The following SF3B2 variants were observed in gnomAD, a reference collection of about 807,000 sequenced individuals.
SF3B2 encodes the protein splicing factor 3b subunit 2, also known as SAP 145.
SF3B2 carries 22 observed loss-of-function variants against 116.3 expected under a neutral mutation model. That is an observed-to-expected ratio of 0.19 (90% CI 0.14 to 0.27). The LOEUF is 0.27. SF3B2 is among the 10% of genes least tolerant of loss of function. The probability of loss-of-function intolerance (pLI) is 1.00; values close to 1 mark genes in which losing one functional copy is unlikely to be tolerated. For synonymous variants in SF3B2, 406 were observed against 421.6 expected (o/e 0.96, Z 0.45); for missense variants, 767 against 1,151.4 (o/e 0.67, Z 4.83).
intron 7 of SF3B2, 55 bp downstream of exon 7, chr11:66,057,430 T>C: frequency 1.1e-6 from 1 of 879,658 alleles, no homozygotes; most frequent in Non-Finnish European, 1.9e-6. Flanking sequence ...AGGATGGGAC[T>C]ATTTTTGGAT....
Position 66,057,290 on chromosome 11 carries a change from G to A in SF3B2, c.692G>A (p.Gly231Asp). 1 of 1,609,334 alleles carries A rather than the reference G, an allele frequency of 6.2e-7. No individual in the cohort carries two copies. The highest frequency in any genetic ancestry group is 1.1e-5 in the South Asian group (1 of 91,018). ...GTAGCTGCTCCAGTGGGCCCAGTGG[G>A]CCCCACTCCTACAGTTTTGCCCATG... The part of the protein sequence containing the change: ...PRVAAPVGPV[G>D]PTPTVLPMGA... Residue 231 changes from glycine (G) to aspartate (D), a missense_variant, in exon 7 of 22, where the codon GGC becomes GAC. Transcript: ENST00000322535.
chr11:66,056,757 C>A, intron 5 of SF3B2, 81 bp from the exon 6 acceptor site: 1 of 1,052,062 alleles, frequency 9.5e-7, no homozygotes, highest in Non-Finnish European at 1.5e-6. Context: ...GGCCCATTAC[C>A]CGGCTGAAAG....
intron 3 of SF3B2, 77 bp downstream of exon 3, chr11:66,053,181 C>G: frequency 7.4e-7 from 1 of 1,353,368 alleles, no homozygotes; most frequent in Non-Finnish European, 1.1e-6. Flanking sequence ...ATTGGGTGTT[C>G]ACGTGCATGT....
At chr11:66,065,256 G>A (rs1857162013) in intron 19 of SF3B2, 1 of 152,228 alleles carries the variant, frequency 6.6e-6, no homozygotes, top group Non-Finnish European at 1.5e-5. Flanking sequence ...ACATGTGTGA[G>A]TGACCGCATC....
rs753395463 is a variant in SF3B2, at chr11:66,055,285, G to A, written c.468G>A (p.Leu156=). Residue 156 remains leucine, a synonymous_variant, in exon 4 of 22, where the codon TTG becomes TTA. Transcript: ENST00000322535. ...RLKLAQQQAA[L]LMQQEERAKQ... is the part of the protein sequence containing the mutation. ...AGTTGGCTCAGCAGCAGGCGGCATTGCTGATGCAGCAGGAGGAGCGTGCCA... is the reference window on the plus strand; with the variant it reads ...AGTTGGCTCAGCAGCAGGCGGCATTACTGATGCAGCAGGAGGAGCGTGCCA... 1 of 1,613,482 alleles carries A rather than the reference G, an allele frequency of 6.2e-7. No homozygotes were observed. The highest frequency in any genetic ancestry group is 8.5e-7 in the Non-Finnish European group (1 of 1,179,874).
At chr11:66,068,545 C>A in intron 21 of SF3B2, 129 bp from the exon 22 acceptor site, 1 of 891,694 alleles carries the variant, frequency 1.1e-6, no homozygotes, top group Non-Finnish European at 1.7e-6. Flanking sequence ...TGAGAGGGAG[C>A]TCGAAGAGAA....
In SF3B2 at chr11:66,061,977, G is replaced by A. The variant is rs1363355546; in HGVS notation, c.1956G>A (p.Gly652=). The A allele has an allele frequency of 3.1e-6, 5 of 1,613,094 alleles. No homozygotes were observed. Among genetic ancestry groups the A allele is most frequent in the Non-Finnish European group, 4.2e-6 (5 of 1,179,642 alleles). Residue 652 remains glycine (G), a synonymous_variant, in exon 16 of 22, where the codon GGG becomes GGA. Coordinates refer to ENST00000322535, the MANE Select transcript of SF3B2 (RefSeq NM_006842.3). ...PPSYPNLKIP[G]LNSPIPESCS... is the part of the protein sequence containing the mutation. The stretch of plus-strand genomic sequence containing the variant: ...CGTATCCCAACCTGAAAATCCCTGG[G>A]CTGAACTCGCCCATCCCTGAGGTGA...
intron 13 of SF3B2, among the ~76,000 whole-genome samples, chr11:66,060,373 T>C (rs991975355): frequency 6.6e-6 from 1 of 152,238 alleles, no homozygotes; most frequent in African/African-American, 2.4e-5. Context: ...AACTAGTTAT[T>C]GATATACACG....
At chr11:66,057,439 A>T in intron 7 of SF3B2, 64 bp downstream of exon 7, 1 of 817,120 alleles carries the variant, frequency 1.2e-6, no homozygotes, top group Non-Finnish European at 2.1e-6. Context: ...CTATTTTTGG[A>T]TTTTTAGAGA....
Position 66,059,916 on chromosome 11 carries a change from G to A in SF3B2, c.1536G>A (p.Gln512=). The change falls in exon 13 of 22, where the codon CAG becomes CAA. Residue 512 remains glutamine (Q), a synonymous_variant. Transcript: ENST00000322535. This position sits in a 1 kb window ranked among gnomAD's most constrained non-coding sequence, Gnocchi z 5.0. ...GGTGTTTTAAGCGCAAATACCTGCA[G>A]GGCAAACGGGGCATTGAGAAGCCCC... is the stretch of plus-strand genomic sequence containing the variant. The part of the protein sequence containing the change: ...RHWCFKRKYL[Q]GKRGIEKPPF... 6.2e-7 allele frequency: 1 copy of A among 1,614,190 alleles called. No individual in the cohort carries two copies.
At chr11:66,064,179 C>T (rs918950162) in intron 19 of SF3B2, among the ~76,000 whole-genome samples, 1 of 152,130 alleles carries the variant, frequency 6.6e-6, no homozygotes, top group African/African-American at 2.4e-5. Context: ...ATGAATTGAC[C>T]CCTTTATCAT....
chr11:66,053,412 C>T (rs1323632992), intron 3 of SF3B2: 9 of 405,124 alleles, frequency 2.2e-5, no homozygotes, highest in South Asian at 7.5e-5. Flanking sequence ...GGTGCAGTGG[C>T]GCATGCCTGT....
intron 19 of SF3B2, 28 bp downstream of exon 19, chr11:66,063,757 G>A (rs773298227): frequency 2.6e-6 from 4 of 1,541,626 alleles, no homozygotes; most frequent in Non-Finnish European, 2.6e-6. Context: ...GGCTGAGAGG[G>A]GAGGACCTTC....
chr11:66,055,794 A>G, intron 5 of SF3B2: 1 of 515,564 alleles, frequency 1.9e-6, no homozygotes, highest in Non-Finnish European at 3.4e-6. Context: ...TATGAGCTAA[A>G]AATAACTTTA....
In SF3B2 at chr11:66,062,334, G is replaced by T. The variant is rs550693349; in HGVS notation, c.1977+336G>T. On this transcript the variant is annotated intron_variant, in intron 16 of 21. Transcript: ENST00000322535. The stretch of plus-strand genomic sequence containing the variant: ...TGTCTCTGAATATTAAGAATGACCA[G>T]AGAGAAATAATTTTATCTCAGCCAG... 3.3e-5 allele frequency among the ~76,000 whole-genome samples: 5 copies of T among 152,160 alleles called. No homozygotes were observed. In the South Asian group the frequency reaches 1.0e-3, roughly 32 times the overall value.
chr11:66,052,784 CA>C, intron 2 of SF3B2, 65 bp downstream of exon 2: 4 of 1,490,220 alleles, frequency 2.7e-6, no homozygotes, highest in Non-Finnish European at 3.6e-6. Context: ...TATACCCCAT[CA>C]CGGCTCGGTC....
At chr11:66,067,409 C>T (rs1205874765) in intron 19 of SF3B2, 11 of 456,130 alleles carry the variant, frequency 2.4e-5, no homozygotes, top group Non-Finnish European at 1.3e-5. Flanking sequence ...TAGATTGTCA[C>T]CTCTTCCAGC....
In SF3B2 at chr11:66,068,848, C is replaced by A; in HGVS notation, c.*103C>A. 1.1e-6 allele frequency: 1 copy of A among 900,516 alleles called. No homozygotes were observed. 55.8% of individuals were successfully genotyped at this position (900,516 alleles called of 1,614,324 possible). ...TCCCAAGGACTTGTCATTTCATGTTCTTATTTTAGACCTGTTTTGTAAATA... is the reference window on the plus strand; with the variant it reads ...TCCCAAGGACTTGTCATTTCATGTTATTATTTTAGACCTGTTTTGTAAATA... On this transcript the variant is annotated 3_prime_UTR_variant, in exon 22 of 22. Transcript: ENST00000322535.
chr11:66,058,366 AGAGACT>A lies in SF3B2; in HGVS notation c.931_936del (p.Thr311_Glu312del). ...GCTCGTCCCTGGGCCAGTCAGCGTC[AGAGACT>A]GAGGAGGACACAGTGTCCGTATCTA... On this transcript the variant is annotated inframe_deletion, in exon 9 of 22. Coordinates refer to ENST00000322535, the MANE Select transcript of SF3B2 (RefSeq NM_006842.3). The A allele has an allele frequency of 6.2e-7, 1 of 1,614,144 alleles. No homozygotes were observed. Among genetic ancestry groups the A allele is most frequent in the Non-Finnish European group, 8.5e-7 (1 of 1,180,010 alleles).
Sources: gnomAD v4.1 joint callset for allele counts (sites outside exome capture counted in the v4.1 genomes callset) on GRCh38, gnomAD v4.1.1 for gene constraint, Gnocchi (gnomAD v3.1) non-coding constraint, MANE v1.5 for transcripts, NCBI Gene and HGNC (gene_info 2026-07-23, HGNC 2026-07-21) for gene names.